LINGO1: variants seen among roughly 807,000 people sequenced by gnomAD.
LINGO1 encodes leucine rich repeat and Ig domain containing 1.
Under a neutral mutation model 37.3 loss-of-function variants are expected in LINGO1, and 11 were observed. The observed-to-expected ratio is 0.29, with a 90% CI of 0.19 to 0.49. LINGO1 has a LOEUF of 0.49. Among genes scored for constraint, LINGO1 ranks in the 20% least tolerant of loss-of-function variants. The probability of loss-of-function intolerance (pLI) is 0.99; values close to 1 mark genes in which losing one functional copy is unlikely to be tolerated. For missense variants in LINGO1, 585 were observed against 878.2 expected (o/e 0.67, Z 4.22); for synonymous variants, 387 against 403.0 (o/e 0.96, Z 0.48).
At chr15:77,684,818 G>A (rs1029623572) in intron 2 of LINGO1, among the ~76,000 whole-genome samples, 6 of 152,134 alleles carry the variant, frequency 3.9e-5, no homozygotes, top group African/African-American at 1.4e-4. Context: ...GGGGCAACTG[G>A]CCCAGGAAGC....
intron 1 of LINGO1, among the ~76,000 whole-genome samples, chr15:77,812,397 A>G (rs1191068963): frequency 6.6e-6 from 1 of 152,216 alleles, no homozygotes; most frequent in African/African-American, 2.4e-5. Context: ...GGACAAAGAG[A>G]CTGAAATCTC....
At chr15:77,671,261 T>C (rs905312340) in intron 3 of LINGO1, among the ~76,000 whole-genome samples, 31 of 132,560 alleles carry the variant, frequency 2.3e-4, no homozygotes, top group African/African-American at 8.4e-4. Context: ...AAGGCCAGGA[T>C]TGGCTGGCAG....
At chr15:77,618,051 C>T (rs1220245911) in intron 1 of LINGO1, among the ~76,000 whole-genome samples, 1 of 152,244 alleles carries the variant, frequency 6.6e-6, no homozygotes, top group Non-Finnish European at 1.5e-5. Context: ...AAGCAAACAT[C>T]CTGACAGGCG....
chr15:77,805,428 C>A (rs942091138), intron 1 of LINGO1, among the ~76,000 whole-genome samples: 25 of 152,196 alleles, frequency 1.6e-4, no homozygotes, highest in African/African-American at 5.5e-4. Flanking sequence ...GAATGATACC[C>A]CAGGTCCCCA....
intron 1 of LINGO1, among the ~76,000 whole-genome samples, chr15:77,754,823 C>T (rs1263915906): frequency 2.6e-5 from 4 of 152,250 alleles, no homozygotes; most frequent in Non-Finnish European, 5.9e-5. Flanking sequence ...CAGAAGATGG[C>T]CTAGCCCAGC....
In LINGO1 at chr15:77,648,049, A is replaced by G. The variant is rs542210098; in HGVS notation, c.-13+29040T>C. ...TCCGGAAAGGAAAGGGCAGTCAGAC[A>G]GCAGCCACAGGGAGAGGGTGGTAAG... On this transcript the variant is annotated intron_variant, in intron 3 of 3. Coordinates refer to the LINGO1 transcript ENST00000559893. 1.8e-4 allele frequency: 71 copies of G among 401,898 alleles called. 2 individuals carry two copies. Among genetic ancestry groups the G allele is most frequent in the South Asian group, 1.2e-3 (64 of 53,748 alleles). The allele number at this position is 401,898 out of a possible 1,614,324, so 24.9% of individuals were successfully genotyped here.
At chr15:77,761,348 C>T (rs1437127929) in intron 1 of LINGO1, among the ~76,000 whole-genome samples, 1 of 152,162 alleles carries the variant, frequency 6.6e-6, no homozygotes. Flanking sequence ...TTGTGAGGAA[C>T]AAGGCCACAG....
At chr15:77,795,580 CAT>C (rs1397619563) in intron 2 of LINGO1, among the ~76,000 whole-genome samples, 1 of 152,218 alleles carries the variant, frequency 6.6e-6, no homozygotes, top group African/African-American at 2.4e-5. Context: ...TCTCAGTCCA[CAT>C]GTTCTGGCTC....
chr15:77,739,001 G>A (rs1264187861), intron 1 of LINGO1, among the ~76,000 whole-genome samples: 2 of 152,268 alleles, frequency 1.3e-5, no homozygotes, highest in Non-Finnish European at 2.9e-5. Flanking sequence ...TGGCGCAGCA[G>A]CGCACACTGC....
chr15:77,742,182 G>C (rs1289937539), intron 1 of LINGO1, among the ~76,000 whole-genome samples: 1 of 152,250 alleles, frequency 6.6e-6, no homozygotes, highest in African/African-American at 2.4e-5. Context: ...GACTGGGCCA[G>C]AGAAGCTGTC....
chr15:77,663,073 T>C (rs1486240396), intron 3 of LINGO1, among the ~76,000 whole-genome samples: 1 of 152,198 alleles, frequency 6.6e-6, no homozygotes, highest in East Asian at 1.9e-4. Flanking sequence ...TCCATAGACA[T>C]CCAGTCCAGG....
At chr15:77,667,501 C>T (rs2075157938) in intron 3 of LINGO1, among the ~76,000 whole-genome samples, 1 of 152,150 alleles carries the variant, frequency 6.6e-6, no homozygotes, top group African/African-American at 2.4e-5. Flanking sequence ...TCGAGGACAG[C>T]AAGTCCCTGG....
In LINGO1 at chr15:77,614,792, G is replaced by A. The variant is rs1316116644; in HGVS notation, c.1115C>T (p.Ala372Val). Residue 372 changes from alanine to valine, a missense_variant, in exon 2 of 2, where the codon GCC becomes GTC. Coordinates refer to ENST00000355300, the MANE Select transcript of LINGO1 (RefSeq NM_032808.7). ...ETLILDSNPL[A>V]CDCRLLWVFR... ...CACCCACAGGAGCCGACAGTCGCAG[G>A]CCAGCGGGTTGGAGTCCAGGATGAG... The A allele has an allele frequency of 1.2e-6, 2 of 1,610,210 alleles. No individual in the cohort carries two copies. Among genetic ancestry groups the A allele is most frequent in the East Asian group, 4.5e-5 (2 of 44,708 alleles).
chr15:77,797,389 T>C (rs748882896), intron 1 of LINGO1, among the ~76,000 whole-genome samples: 31 of 152,220 alleles, frequency 2.0e-4, no homozygotes, highest in Admixed American at 1.8e-3. Flanking sequence ...TTTTCATAGC[T>C]ACGTGTTTCT....
At chr15:77,703,007 C>T (rs1368386030) in intron 2 of LINGO1, among the ~76,000 whole-genome samples, 1 of 152,230 alleles carries the variant, frequency 6.6e-6, no homozygotes, top group Non-Finnish European at 1.5e-5. Context: ...TGGCTTTGGA[C>T]CAGGCAGATG....
intron 1 of LINGO1, among the ~76,000 whole-genome samples, chr15:77,744,086 A>G (rs1378634371): frequency 6.6e-6 from 1 of 152,174 alleles, no homozygotes; most frequent in Non-Finnish European, 1.5e-5. Flanking sequence ...AGCCTGCCTC[A>G]ACCTCTCCCC....
chr15:77,664,170 T>TGTGTGTGCGTGCGCGCGC, intron 3 of LINGO1, among the ~76,000 whole-genome samples: 2 of 130,946 alleles, frequency 1.5e-5, no homozygotes, highest in African/African-American at 7.3e-5. Context: ...TGTGTGTGTG[T>TGTGTGTGCGTGCGCGCGC]GCGCGCGCGC....
chr15:77,692,823 C>T (rs151100407), intron 1 of LINGO1, among the ~76,000 whole-genome samples: 11 of 152,358 alleles, frequency 7.2e-5, no homozygotes, highest in African/African-American at 2.4e-4. Context: ...AACCTCAGGA[C>T]GCCATGGTAT....
intron 2 of LINGO1, among the ~76,000 whole-genome samples, chr15:77,703,348 T>C (rs1386031443): frequency 1.3e-5 from 2 of 152,152 alleles, no homozygotes; most frequent in African/African-American, 2.4e-5. Flanking sequence ...TAGAACGTGA[T>C]TGTTTCGTGT....
Sources: gnomAD v4.1 joint callset for allele counts (sites outside exome capture counted in the v4.1 genomes callset) on GRCh38, gnomAD v4.1.1 for gene constraint, MANE v1.5 for transcripts, NCBI Gene and HGNC (gene_info 2026-07-23, HGNC 2026-07-21) for gene names.